ELMO3: variants seen among roughly 807,000 people sequenced by gnomAD.
ELMO3 encodes the protein engulfment and cell motility 3.
ELMO3 carries 81 observed loss-of-function variants against 89.0 expected under a neutral mutation model. The ratio of observed to expected loss-of-function variants is 0.91; its 90% CI spans 0.76 to 1.09. The LOEUF is 1.09. Ranked by LOEUF, ELMO3 falls within the 50% of genes least tolerant of loss-of-function variation. ELMO3 has a pLI of 0.00. For synonymous variants in ELMO3, 406 were observed against 400.6 expected (o/e 1.01, Z -0.16); for missense variants, 959 against 972.8 (o/e 0.99, Z 0.19).
rs2033147616 is a variant in ELMO3 at position 67,202,798 on chromosome 16, T to C, written c.1562+8T>C. ...ACTGGCTCCCCCTATACTGTGAGTC[T>C]GGGGGGATGGATCCTCAGTCCTAGC... On this transcript the variant is annotated splice_region_variant and intron_variant, in intron 15 of 19. Coordinates refer to ENST00000393997, the MANE Select transcript of ELMO3 (RefSeq NM_024712.5). 1.9e-6 allele frequency: 3 copies of C among 1,612,654 alleles called. No homozygotes were observed. The highest frequency in any genetic ancestry group is 2.2e-5 in the South Asian group (2 of 91,066).
At position 67,202,382 on chromosome 16, in the gene ELMO3, G is replaced by GC. The variant is rs776111360; in HGVS notation, c.1262-8dup. The GC allele has an allele frequency of 2.0e-5, 32 of 1,613,442 alleles. No individual in the cohort carries two copies. The highest frequency in any genetic ancestry group is 7.7e-5 in the South Asian group (7 of 91,086). On this transcript the variant is annotated splice_polypyrimidine_tract_variant and intron_variant, in intron 13 of 19. Transcript: ENST00000393997. ...TGCACTTTCTCCCTGAGCCCCTCCT[G>GC]CCCCCCCACTCCAGGCTCTGAGACA...
At chr16:67,199,484 C>CCCCCA in intron 1 of ELMO3, 69 bp from the exon 2 acceptor site, 1 of 1,531,058 alleles carries the variant, frequency 6.5e-7, no homozygotes, top group Non-Finnish European at 8.8e-7. Flanking sequence ...CAGCCCGCCC[C>CCCCCA]ACCCCTCCCC....
Position 67,203,732 on chromosome 16 carries a change from T to C in ELMO3, c.2018T>C (p.Leu673Pro). Residue 673 changes from leucine (L) to proline (P), a missense_variant, in exon 20 of 20, where the codon CTG becomes CCG. Coordinates refer to ENST00000393997, the MANE Select transcript of ELMO3 (RefSeq NM_024712.5). This position sits in a 1 kb window ranked among gnomAD's most constrained non-coding sequence, Gnocchi z 4.6. ...CCCATGGGCAGCGAGCAGACACGGCTGGACCTGGAGCAGCTGCTGACCATG... is the reference window on the plus strand; with the variant it reads ...CCCATGGGCAGCGAGCAGACACGGCCGGACCTGGAGCAGCTGCTGACCATG... Reference protein sequence around the residue: ...GSPMGSEQTRLDLEQLLTMET... With the variant: ...GSPMGSEQTRPDLEQLLTMET... The C allele has an allele frequency of 2.5e-6, 4 of 1,613,664 alleles. No individual in the cohort carries two copies. The highest frequency in any genetic ancestry group is 3.4e-6 in the Non-Finnish European group (4 of 1,180,018).
At chr16:67,202,594 C>T (rs754814012) in intron 14 of ELMO3, 33 bp from the exon 15 acceptor site, 1 of 1,612,842 alleles carries the variant, frequency 6.2e-7, no homozygotes, top group East Asian at 2.2e-5. Context: ...GGGTACAGAG[C>T]TTAGGCCCTG....
Position 67,203,961 on chromosome 16 carries a change from C to A in ELMO3, c.*84C>A. 1.7e-6 allele frequency: 2 copies of A among 1,178,678 alleles called. No individual in the cohort carries two copies. Among genetic ancestry groups the A allele is most frequent in the Non-Finnish European group, 2.3e-6 (2 of 858,218 alleles). The allele number at this position is 1,178,678 out of a possible 1,614,324, so 73.0% of individuals were successfully genotyped here. On this transcript the variant is annotated 3_prime_UTR_variant, in exon 20 of 20. Transcript: ENST00000393997. This position sits in a 1 kb window ranked among gnomAD's most constrained non-coding sequence, Gnocchi z 4.6. The stretch of plus-strand genomic sequence containing the variant: ...GGTAGAGGAGTGCAGGCACCCTGAC[C>A]AGCAGAGATTGCTGCAGAAATAAAG...
chr16:67,199,907 G>A, intron 3 of ELMO3, 44 bp from the exon 4 acceptor site: 1 of 1,613,496 alleles, frequency 6.2e-7, no homozygotes, highest in East Asian at 2.2e-5. Flanking sequence ...ATCAGTCCTC[G>A]GAGCCCTCCC....
At chr16:67,199,903 C>T (rs761257083) in intron 3 of ELMO3, 48 bp from the exon 4 acceptor site, 7 of 1,613,550 alleles carry the variant, frequency 4.3e-6, no homozygotes, top group South Asian at 1.1e-5. Context: ...GTTGATCAGT[C>T]CTCGGAGCCC....
Position 67,201,881 on chromosome 16 carries a change from T to C in ELMO3, c.1050+8T>C. On this transcript the variant is annotated splice_region_variant and intron_variant, in intron 11 of 19. Transcript: ENST00000393997. ...CGCAAACTGGGCTTTTCTGTGAGTA[T>C]CACCCCTACCCAACTCCCCACCCCT... 1 of 1,605,396 alleles carries C rather than the reference T, an allele frequency of 6.2e-7. No individual in the cohort carries two copies. The highest frequency in any genetic ancestry group is 1.3e-5 in the African/African-American group (1 of 74,970).
At position 67,203,108 on chromosome 16, in the gene ELMO3, T is replaced by A. The variant is rs1443981874; in HGVS notation, c.1676-11T>A. On this transcript the variant is annotated splice_polypyrimidine_tract_variant and intron_variant, in intron 16 of 19. Transcript: ENST00000393997. The surrounding 1 kb of genome is among the most constrained non-coding windows in gnomAD (Gnocchi z 4.6). ...CTCAGCACTCTGGCCCTCTTCCCTT[T>A]CTCCACGCAGATAAGCTGTGGTTCT... 1 of 1,603,294 alleles carries A rather than the reference T, an allele frequency of 6.2e-7. No homozygotes were observed. Among genetic ancestry groups the A allele is most frequent in the Non-Finnish European group, 8.5e-7 (1 of 1,175,648 alleles).
rs1007735105 is a variant in ELMO3 at position 67,199,892 on chromosome 16, A to T, written c.193-59A>T. 1.3e-5 allele frequency: 21 copies of T among 1,611,710 alleles called. No individual in the cohort carries two copies. The African/African-American group carries it at 2.8e-4, about 22-fold the overall frequency. ...CCCCAGCCGCCCTCACCGACACCCC[A>T]GTTGATCAGTCCTCGGAGCCCTCCC... is the stretch of plus-strand genomic sequence containing the variant. On this transcript the variant is annotated intron_variant, in intron 3 of 19. Coordinates refer to ENST00000393997, the MANE Select transcript of ELMO3 (RefSeq NM_024712.5).
Position 67,203,927 on chromosome 16 carries a change from A to C in ELMO3, c.*50A>C. On this transcript the variant is annotated 3_prime_UTR_variant, in exon 20 of 20. Transcript: ENST00000393997. The surrounding 1 kb of genome is among the most constrained non-coding windows in gnomAD (Gnocchi z 4.6). ...GCTGCGGCCACTGCAGCAGCCATGAAGGGCAGTGGGTAGAGGAGTGCAGGC... is the reference window on the plus strand; with the variant it reads ...GCTGCGGCCACTGCAGCAGCCATGACGGGCAGTGGGTAGAGGAGTGCAGGC... 1 of 1,456,594 alleles carries C rather than the reference A, an allele frequency of 6.9e-7. No homozygotes were observed. The allele number at this position is 1,456,594 out of a possible 1,614,324, so 90.2% of individuals were successfully genotyped here. A position where few individuals can be genotyped will look rare whatever the true frequency, so the allele number is the denominator to read the frequency against.
At chr16:67,201,944 CCTT>C (rs755165222) in intron 11 of ELMO3, 30 bp from the exon 12 acceptor site, 3 of 1,608,938 alleles carry the variant, frequency 1.9e-6, no homozygotes, top group South Asian at 1.1e-5. Context: ...CGGCCGTGGC[CCTT>C]CTTGAACTGC....
intron 6 of ELMO3, 41 bp downstream of exon 6, chr16:67,200,591 G>A: frequency 1.2e-6 from 2 of 1,612,210 alleles, no homozygotes; most frequent in Admixed American, 1.7e-5. Flanking sequence ...GGGCAGTGGA[G>A]CAGTGGGGCA....
chr16:67,200,113 G>T (rs2033064287), intron 4 of ELMO3, 79 bp from the exon 5 acceptor site: 1 of 1,563,504 alleles, frequency 6.4e-7, no homozygotes, highest in Non-Finnish European at 8.7e-7. Context: ...CCTAGTTGAC[G>T]CCCGGGGCCG....
intron 8 of ELMO3, 147 bp from the exon 9 acceptor site, chr16:67,201,237 TA>T (rs2033100135): frequency 1.5e-5 from 12 of 793,268 alleles, no homozygotes; most frequent in African/African-American, 3.5e-5. Flanking sequence ...TTTTTTTTTT[TA>T]AGTAGAGACG....
At position 67,203,274 on chromosome 16, in the gene ELMO3, T is replaced by G. The variant is rs1001515701; in HGVS notation, c.1780+51T>G. On this transcript the variant is annotated intron_variant, in intron 17 of 19. Transcript: ENST00000393997. This position sits in a 1 kb window ranked among gnomAD's most constrained non-coding sequence, Gnocchi z 4.6. ...GATACCTGCTCTCCCCAGACCGCCC[T>G]GGGCCCCGGGGCTGCCAGGGCTGCA... is the stretch of plus-strand genomic sequence containing the variant. The G allele has an allele frequency of 1.9e-6, 3 of 1,589,184 alleles. No homozygotes were observed. Among genetic ancestry groups the G allele is most frequent in the African/African-American group, 2.7e-5 (2 of 74,620 alleles).
Position 67,199,701 on chromosome 16 carries a change from CTG to C in ELMO3, c.138_139del (p.Glu47AlafsTer18). On this transcript the variant is annotated frameshift_variant, in exon 3 of 20. Transcript: ENST00000393997. LOFTEE classifies it high-confidence loss of function. ...CCCCTCAGGTGGAGCCTGACGCACT[CTG>C]AGCGTTACGCCCTGCAGTTTGCGGA... 2 of 1,610,946 alleles carry C rather than the reference CTG, an allele frequency of 1.2e-6. No homozygotes were observed. The highest frequency in any genetic ancestry group is 1.3e-5 in the African/African-American group (1 of 75,042).
chr16:67,201,184 T>C (rs2142219688), intron 8 of ELMO3, among the ~76,000 whole-genome samples: 1 of 149,524 alleles, frequency 6.7e-6, no homozygotes, highest in Non-Finnish European at 1.5e-5. Flanking sequence ...TAGCTGGGAC[T>C]ACAGGCTCCC....
At position 67,199,711 on chromosome 16, in the gene ELMO3, C is replaced by G. The variant is rs769384439; in HGVS notation, c.147C>G (p.Tyr49Ter). ...DAWSLTHSERYALQFADGHRR... is the reference protein window; with the variant it reads ...DAWSLTHSER ...GGAGCCTGACGCACTCTGAGCGTTACGCCCTGCAGTTTGCGGATGGGCACC... is the reference window on the plus strand; with the variant it reads ...GGAGCCTGACGCACTCTGAGCGTTAGGCCCTGCAGTTTGCGGATGGGCACC... Residue 49 changes from tyrosine to a stop codon, truncating the protein, a stop_gained, in exon 3 of 20, where the codon TAC becomes TAG. Coordinates refer to ENST00000393997, the MANE Select transcript of ELMO3 (RefSeq NM_024712.5). LOFTEE classifies it high-confidence loss of function. 6.2e-6 allele frequency: 10 copies of G among 1,611,046 alleles called. No homozygotes were observed. The highest frequency in any genetic ancestry group is 4.0e-5 in the African/African-American group (3 of 74,908).
Sources: gnomAD v4.1 joint callset for allele counts (sites outside exome capture counted in the v4.1 genomes callset) on GRCh38, gnomAD v4.1.1 for gene constraint, Gnocchi (gnomAD v3.1) non-coding constraint, MANE v1.5 for transcripts, NCBI Gene and HGNC (gene_info 2026-07-23, HGNC 2026-07-21) for gene names.